AFF3: variants seen among roughly 807,000 people sequenced by gnomAD.
AFF3 encodes ALF transcription elongation factor 3.
In AFF3, 32 loss-of-function variants were observed where a neutral mutation model predicts 129.7. The observed-to-expected ratio is 0.25, with a 90% CI of 0.19 to 0.33. The LOEUF is 0.33. Ranked by LOEUF, AFF3 falls within the 10% of genes least tolerant of loss-of-function variation. AFF3 has a pLI of 1.00. For missense variants in AFF3, 1,373 were observed against 1,592.0 expected (o/e 0.86, Z 2.34); for synonymous variants, 644 against 635.4 (o/e 1.01, Z -0.20).
Position 100,063,364 on chromosome 2 carries a change from G to A in AFF3, c.53+41038C>T, listed in dbSNP as rs60382080. Among the ~76,000 whole-genome samples the A allele has an allele frequency of 3.5e-3, 538 of 152,068 alleles. 2 individuals carry two copies. Among genetic ancestry groups the A allele is most frequent in the African/African-American group, 0.012 (505 of 41,490 alleles). On this transcript the variant is annotated intron_variant, in intron 4 of 24. Coordinates refer to ENST00000672756, the MANE Select transcript of AFF3 (RefSeq NM_001386135.1). ...ATGTACTTAATATTAACTGAACTGC[G>A]TACACTTAAAAATAGCGAAGATGGT...
chr2:99,622,570 C>T (rs1019987127), intron 13 of AFF3, among the ~76,000 whole-genome samples: 4 of 152,196 alleles, frequency 2.6e-5, no homozygotes, highest in Admixed American at 6.5e-5. Context: ...CTGAGTTCTG[C>T]GACTCCCAGC....
intron 8 of AFF3, among the ~76,000 whole-genome samples, chr2:99,805,291 A>ATTCACCTCTCTTCGT (rs1558867162): frequency 6.6e-6 from 1 of 152,190 alleles, no homozygotes; most frequent in Non-Finnish European, 1.5e-5. Flanking sequence ...AATAAGAAAC[A>ATTCACCTCTCTTCGT]TTCACCTCTC....
At chr2:99,667,670 C>G (rs1558721998) in intron 12 of AFF3, among the ~76,000 whole-genome samples, 2 of 152,094 alleles carry the variant, frequency 1.3e-5, no homozygotes, top group Admixed American at 6.5e-5. Context: ...CGGGCTGACA[C>G]TATAGATCTT....
intron 11 of AFF3, among the ~76,000 whole-genome samples, chr2:99,725,137 AT>A (rs374769899): frequency 4.6e-5 from 7 of 150,820 alleles, no homozygotes; most frequent in African/African-American, 1.2e-4. Flanking sequence ...TGCCCAGCTA[AT>A]TTTTTTTTGT....
chr2:99,766,627 C>T (rs1683045348), intron 8 of AFF3, among the ~76,000 whole-genome samples: 1 of 152,082 alleles, frequency 6.6e-6, no homozygotes, highest in South Asian at 2.1e-4. Flanking sequence ...AAACATTCCC[C>T]CCCAAAAGTT....
intron 9 of AFF3, among the ~76,000 whole-genome samples, chr2:99,749,687 T>G (rs546533270): frequency 1.3e-5 from 2 of 152,308 alleles, no homozygotes; most frequent in South Asian, 4.1e-4. Flanking sequence ...TTCACATGGG[T>G]TCTGATGTCA....
intron 10 of AFF3, among the ~76,000 whole-genome samples, chr2:99,730,031 A>G (rs904458580): frequency 7.9e-5 from 12 of 152,134 alleles, no homozygotes; most frequent in Non-Finnish European, 1.5e-4. Context: ...TATATGTAAA[A>G]TCTATGTATC....
intron 8 of AFF3, among the ~76,000 whole-genome samples, chr2:99,797,798 T>G (rs1685654261): frequency 6.6e-6 from 1 of 152,014 alleles, no homozygotes; most frequent in Non-Finnish European, 1.5e-5. Context: ...CTCCAAAATA[T>G]ATATATGACA....
At chr2:100,123,072 G>A (rs1262737400) in intron 2 of AFF3, among the ~76,000 whole-genome samples, 1 of 152,192 alleles carries the variant, frequency 6.6e-6, no homozygotes, top group Non-Finnish European at 1.5e-5. Context: ...GTAAAAAAGT[G>A]AAGTAGCCAT....
chr2:100,005,140 A>G (rs1681846366), intron 7 of AFF3, among the ~76,000 whole-genome samples: 1 of 152,150 alleles, frequency 6.6e-6, no homozygotes, highest in South Asian at 2.1e-4. Flanking sequence ...GAGTCCTCAA[A>G]GGGCATCCTG....
chr2:100,057,534 A>T (rs1412431798), intron 4 of AFF3, among the ~76,000 whole-genome samples: 1 of 152,140 alleles, frequency 6.6e-6, no homozygotes, highest in Non-Finnish European at 1.5e-5. Context: ...ACCAATTATC[A>T]TTGCCAATAT....
At chr2:100,008,730 C>T (rs957318934) in intron 5 of AFF3, 82 bp downstream of exon 5, 2 of 1,514,518 alleles carry the variant, frequency 1.3e-6, no homozygotes, top group Non-Finnish European at 1.8e-6. Context: ...TTTGGTCGGC[C>T]AATTCTTTTA....
chr2:99,644,660 C>CG (rs1684532799), intron 13 of AFF3, among the ~76,000 whole-genome samples: 1 of 152,228 alleles, frequency 6.6e-6, no homozygotes, highest in Non-Finnish European at 1.5e-5. Context: ...TCTCTGCAGA[C>CG]GCGCAGTTGC....
intron 7 of AFF3, among the ~76,000 whole-genome samples, chr2:99,874,677 T>C (rs908342863): frequency 4.6e-5 from 7 of 152,082 alleles, no homozygotes; most frequent in African/African-American, 1.7e-4. Flanking sequence ...GGGCAGAAGG[T>C]TGGGGCATGG....
intron 13 of AFF3, among the ~76,000 whole-genome samples, chr2:99,620,441 C>A (rs1681889232): frequency 6.6e-6 from 1 of 152,204 alleles, no homozygotes; most frequent in African/African-American, 2.4e-5. Context: ...CCAGAATGGG[C>A]AACATAGTGA....
intron 4 of AFF3, among the ~76,000 whole-genome samples, chr2:100,021,794 G>T (rs1371723053): frequency 6.6e-6 from 1 of 152,148 alleles, no homozygotes; most frequent in African/African-American, 2.4e-5. Flanking sequence ...TAAACAGTTT[G>T]CAAAAGTCAC....
chr2:99,658,562 C>G (rs927520514), intron 12 of AFF3, among the ~76,000 whole-genome samples: 2 of 152,032 alleles, frequency 1.3e-5, no homozygotes, highest in African/African-American at 4.8e-5. Context: ...GTTGGCCAGG[C>G]TTGTTTTCAT....
intron 4 of AFF3, among the ~76,000 whole-genome samples, chr2:100,020,098 A>G (rs114036686): frequency 0.012 from 1,809 of 152,126 alleles, 30 homozygotes; most frequent in Non-Finnish European, 0.019. Context: ...TCTCTCTCCA[A>G]TTCCTGGTTT....
intron 7 of AFF3, among the ~76,000 whole-genome samples, chr2:99,868,126 T>C (rs1026182326): frequency 1.3e-5 from 2 of 152,134 alleles, no homozygotes; most frequent in African/African-American, 4.8e-5. Flanking sequence ...TCACAGCTTT[T>C]GAAAGAGTGC....
Sources: gnomAD v4.1 joint callset for allele counts (sites outside exome capture counted in the v4.1 genomes callset) on GRCh38, gnomAD v4.1.1 for gene constraint, MANE v1.5 for transcripts, NCBI Gene and HGNC (gene_info 2026-07-23, HGNC 2026-07-21) for gene names.